The following DCP1B variants were observed in gnomAD, a reference collection of about 807,000 sequenced individuals.
DCP1B encodes the protein decapping mRNA 1B, also known as mRNA-decapping enzyme 1B.
Under a neutral mutation model 60.5 loss-of-function variants are expected in DCP1B, and 47 were observed. That is an observed-to-expected ratio of 0.78 (90% confidence interval 0.61 to 0.99). DCP1B has a LOEUF of 0.99. Ranked by LOEUF, DCP1B falls within the 50% of genes least tolerant of loss-of-function variation. DCP1B has a pLI of 0.00. For synonymous variants in DCP1B, 267 were observed against 280.3 expected (o/e 0.95, Z 0.47); for missense variants, 725 against 756.8 (o/e 0.96, Z 0.49).
intron 4 of DCP1B, among the ~76,000 whole-genome samples, 197 bp downstream of exon 4, chr12:1,967,647 T>C (rs1019044870): frequency 6.6e-6 from 1 of 152,248 alleles, no homozygotes; most frequent in African/African-American, 2.4e-5. Flanking sequence ...AGATGATAAA[T>C]ATTATGCAGT....
chr12:1,960,305 G>A (rs529559844), intron 5 of DCP1B, among the ~76,000 whole-genome samples: 1 of 152,348 alleles, frequency 6.6e-6, no homozygotes, highest in Admixed American at 6.5e-5. Flanking sequence ...GGCAAGTACT[G>A]CATGATTTCA....
intron 2 of DCP1B, among the ~76,000 whole-genome samples, chr12:1,993,624 T>TGCG (rs2040044884): frequency 4.1e-5 from 3 of 72,566 alleles, no homozygotes; most frequent in African/African-American, 1.6e-4. Context: ...ATACTTCATT[T>TGCG]GTGGTGTGTG....
Position 1,952,927 on chromosome 12 carries a change from T to G in DCP1B, c.1013A>C (p.His338Pro), listed in dbSNP as rs750301948. The G allele has an allele frequency of 5.6e-6, 9 of 1,614,100 alleles. No individual in the cohort carries two copies. The African/African-American group carries it at 1.2e-4, about 22-fold the overall frequency. ...TACACCACGAGAAGTTCCAATGTTG[T>G]GAGGAGACCCTGGCTGGACAGGTCC... Reference protein sequence around the residue: ...FTGPVQPGSPHNIGTSRGVQN... With the variant: ...FTGPVQPGSPPNIGTSRGVQN... The change falls in exon 7 of 9, where the codon CAC becomes CCC. Residue 338 changes from histidine (H) to proline (P), a missense_variant. Physicochemically the swap from His to Pro is moderately conservative, Grantham distance 77 (BLOSUM62 -2). Transcript: ENST00000280665.
chr12:1,978,787 A>T (rs1249192857), intron 3 of DCP1B, among the ~76,000 whole-genome samples: 1 of 152,224 alleles, frequency 6.6e-6, no homozygotes. Context: ...ATGGGGTCGT[A>T]CAGTATATCC....
At position 1,971,134 on chromosome 12, in the gene DCP1B, G is replaced by A. The variant is rs1341484432; in HGVS notation, c.320-3224C>T. 3.9e-6 allele frequency: 5 copies of A among 1,289,278 alleles called. No homozygotes were observed. Among genetic ancestry groups the A allele is most frequent in the South Asian group, 3.7e-5 (3 of 81,014 alleles). The allele number at this position is 1,289,278 out of a possible 1,614,324, so 79.9% of individuals were successfully genotyped here. ...TTCCCAGCCACCTGTCTGCCAACAC[G>A]GAGGTCAAGTTTAAGGGTACTTTGG... is the stretch of plus-strand genomic sequence containing the variant. On this transcript the variant is annotated intron_variant, in intron 3 of 8. Transcript: ENST00000280665. The surrounding 1 kb of genome is among the most constrained non-coding windows in gnomAD (Gnocchi z 4.2).
chr12:1,946,095 C>CT lies in DCP1B; in HGVS notation c.*110dup, dbSNP rs200256913. The stretch of plus-strand genomic sequence containing the variant: ...AACATTTTACTTCATATTACACATA[C>CT]TTTTTTTTTAAAAAAGGCAGAAACA... On this transcript the variant is annotated 3_prime_UTR_variant, in exon 9 of 9. Transcript: ENST00000280665. The CT allele has an allele frequency of 5.5e-4, 448 of 813,206 alleles. No individual in the cohort carries two copies. The highest frequency in any genetic ancestry group is 5.0e-3 in the African/African-American group (279 of 55,706). The allele number at this position is 813,206 out of a possible 1,614,324, so 50.4% of individuals were successfully genotyped here.
chr12:1,965,721 C>T (rs1312032502), intron 4 of DCP1B, 28 bp from the exon 5 acceptor site: 4 of 1,585,450 alleles, frequency 2.5e-6, no homozygotes, highest in South Asian at 2.3e-5. Flanking sequence ...AAAATCCACA[C>T]AAGAAAAGCC....
chr12:1,985,445 T>C (rs1225827824), intron 3 of DCP1B, among the ~76,000 whole-genome samples: 1 of 152,186 alleles, frequency 6.6e-6, no homozygotes, highest in East Asian at 1.9e-4. Flanking sequence ...AATTTTCCAT[T>C]TGGTTATTTT....
At chr12:1,970,219 C>T (rs998985643) in intron 3 of DCP1B, among the ~76,000 whole-genome samples, 12 of 152,162 alleles carry the variant, frequency 7.9e-5, no homozygotes, top group Non-Finnish European at 1.6e-4. Flanking sequence ...TACGGAACAT[C>T]TTTCAAATGT....
At chr12:1,976,230 T>G (rs1354628291) in intron 3 of DCP1B, among the ~76,000 whole-genome samples, 2 of 152,226 alleles carry the variant, frequency 1.3e-5, no homozygotes, top group Non-Finnish European at 2.9e-5. Flanking sequence ...CGTATAACCC[T>G]TTATCATATA....
intron 5 of DCP1B, among the ~76,000 whole-genome samples, chr12:1,959,977 T>A (rs991129783): frequency 6.7e-6 from 1 of 149,748 alleles, no homozygotes; most frequent in Non-Finnish European, 1.5e-5. Flanking sequence ...AAAAAAAAAA[T>A]TTATGTTGGC....
rs925391546 is a variant in DCP1B at position 1,996,629 on chromosome 12, A to C, written c.191+1306T>G. ...TAGCTGATGAGCTAAAAAAAAAAAA[A>C]AAAAAAAAAAAAAAAAAAAAAAAAA... On this transcript the variant is annotated intron_variant, in intron 2 of 8. Coordinates refer to ENST00000280665, the MANE Select transcript of DCP1B (RefSeq NM_152640.5). Among the ~76,000 whole-genome samples the C allele has an allele frequency of 5.7e-3, 482 of 84,016 alleles. 14 individuals carry two copies. Among genetic ancestry groups the C allele is most frequent in the African/African-American group, 0.027 (445 of 16,342 alleles). The allele number at this position is 84,016 out of a possible 152,430, so 55.1% of individuals were successfully genotyped here.
Position 1,952,968 on chromosome 12 carries a change from C to T in DCP1B, c.972G>A (p.Ala324=), listed in dbSNP as rs367790839. The change falls in exon 7 of 9, where the codon GCG becomes GCA. Residue 324 remains alanine (A), a synonymous_variant. Transcript: ENST00000280665. ...RPCENGSTHS[A]GEFFTGPVQP... ...GGACAGGTCCTGTAAAAAATTCTCC[C>T]GCAGAATGGGTACTGCCATTTTCAC... 2.9e-5 allele frequency: 46 copies of T among 1,613,986 alleles called. No individual in the cohort carries two copies. Among genetic ancestry groups the T allele is most frequent in the African/African-American group, 2.0e-4 (15 of 74,898 alleles).
At chr12:1,942,052 G>A (rs987005532), downstream of DCP1B, among the ~76,000 whole-genome samples, 5 of 151,938 alleles carry the variant, frequency 3.3e-5, no homozygotes, top group Admixed American at 6.6e-5. Flanking sequence ...CCCATCTCAC[G>A]TGCAAAGACA....
chr12:1,970,578 C>A (rs772776667), intron 3 of DCP1B, among the ~76,000 whole-genome samples: 19 of 152,188 alleles, frequency 1.2e-4, no homozygotes, highest in Admixed American at 8.5e-4. Context: ...AAGTTTCCTG[C>A]CTCTTAGCCC....
intron 3 of DCP1B, among the ~76,000 whole-genome samples, chr12:1,983,475 T>C (rs556215825): frequency 6.6e-6 from 1 of 152,164 alleles, no homozygotes; most frequent in African/African-American, 2.4e-5. Context: ...TCTTTCTTCT[T>C]TGACATGACT....
At chr12:1,984,519 T>G (rs1473607404) in intron 3 of DCP1B, among the ~76,000 whole-genome samples, 1 of 152,122 alleles carries the variant, frequency 6.6e-6, no homozygotes, top group African/African-American at 2.4e-5. Flanking sequence ...TTACCCTCTC[T>G]TTTTATGTTA....
intron 2 of DCP1B, among the ~76,000 whole-genome samples, chr12:1,993,618 T>G (rs1005967713): frequency 9.0e-6 from 1 of 111,578 alleles, no homozygotes; most frequent in Admixed American, 8.7e-5. Flanking sequence ...TGAGTCATAC[T>G]TCATTTGTGG....
chr12:1,963,922 T>C (rs1168926652), intron 5 of DCP1B, among the ~76,000 whole-genome samples: 1 of 152,238 alleles, frequency 6.6e-6, no homozygotes, highest in Admixed American at 6.5e-5. Context: ...TAATCTTATG[T>C]AGTTTTAACT....
Sources: gnomAD v4.1 joint callset for allele counts (sites outside exome capture counted in the v4.1 genomes callset) on GRCh38, gnomAD v4.1.1 for gene constraint, Gnocchi (gnomAD v3.1) non-coding constraint, MANE v1.5 for transcripts, NCBI Gene and HGNC (gene_info 2026-07-23, HGNC 2026-07-21) for gene names.